Variants in MCF2L observed in about 807,000 individuals in gnomAD.
The protein encoded by MCF2L is MCF.2 cell line derived transforming sequence like.
In MCF2L, 97 loss-of-function variants were observed where a neutral mutation model predicts 153.4. The ratio of observed to expected loss-of-function variants is 0.63; its 90% confidence interval spans 0.54 to 0.75. The LOEUF is 0.75. Ranked by LOEUF, MCF2L falls within the 30% of genes least tolerant of loss-of-function variation. The probability of loss-of-function intolerance (pLI) is 0.00; values close to 1 mark genes in which losing one functional copy is unlikely to be tolerated. For synonymous variants in MCF2L, 659 were observed against 632.2 expected (o/e 1.04, Z -0.64); for missense variants, 1,347 against 1,495.2 (o/e 0.90, Z 1.64).
rs577695102 is a variant in MCF2L at position 112,913,153 on chromosome 13, GTGTC to G, written c.169+10786_169+10789del. Among the ~76,000 whole-genome samples, 977 of 148,248 alleles carry G rather than the reference GTGTC, an allele frequency of 6.6e-3. 13 individuals carry two copies. Among genetic ancestry groups the G allele is most frequent in the African/African-American group, 0.022 (903 of 40,552 alleles). On this transcript the variant is annotated intron_variant, in intron 2 of 29. Transcript: ENST00000375608. ...GATTGTGTGTCTGTGGTGTATTTCTGTGTCTGTATGTATGGGGTGTGTCTGTGTG... is the reference window on the plus strand; with the variant it reads ...GATTGTGTGTCTGTGGTGTATTTCTGTGTATGTATGGGGTGTGTCTGTGTG...
intron 3 of MCF2L, among the ~76,000 whole-genome samples, chr13:113,025,868 G>T (rs1192758934): frequency 4.2e-5 from 6 of 143,364 alleles, no homozygotes; most frequent in African/African-American, 1.3e-4. Flanking sequence ...CCCCGTGACT[G>T]TGGGTCGGGG....
At chr13:113,011,717 G>A (rs1460019427) in intron 1 of MCF2L, among the ~76,000 whole-genome samples, 7 of 143,018 alleles carry the variant, frequency 4.9e-5, no homozygotes, top group Non-Finnish European at 9.3e-5. Context: ...TGATGCGGAC[G>A]GTGGACAGGC....
intron 1 of MCF2L, among the ~76,000 whole-genome samples, chr13:113,007,916 C>CTT (rs55800416): frequency 1.8e-5 from 2 of 112,954 alleles, no homozygotes; most frequent in African/African-American, 6.5e-5. Context: ...TTTTCTTTTT[C>CTT]TTTTTTTTTT....
chr13:113,086,098 C>G, intron 20 of MCF2L, 26 bp from the exon 21 acceptor site: 1 of 1,591,086 alleles, frequency 6.3e-7, no homozygotes, highest in Non-Finnish European at 8.6e-7. Context: ...TGTCCCGACG[C>G]GGTTGCCTCA....
Position 113,053,078 on chromosome 13 carries a change from G to C in MCF2L, c.370-7515G>C, listed in dbSNP as rs1225835841. ...GCTGGTGAGAGCCGGCTCTGCCATC[G>C]TGTCAGTTCATCCCGGATTGCTGAC... On this transcript the variant is annotated intron_variant, in intron 4 of 29. Transcript: ENST00000535094. This position sits in a 1 kb window ranked among gnomAD's most constrained non-coding sequence, Gnocchi z 4.4. 2.0e-5 allele frequency among the ~76,000 whole-genome samples: 3 copies of C among 152,072 alleles called. No individual in the cohort carries two copies. The highest frequency in any genetic ancestry group is 4.4e-5 in the Non-Finnish European group (3 of 68,010).
rs148422314 is a variant in MCF2L, at chr13:112,970,995, C to T, written c.79+1537C>T. The stretch of plus-strand genomic sequence containing the variant: ...ACCAGATATCCTCGGTTATGAGCAC[C>T]CTGTAGCGTTTAGTTAGGGGAGGTG... On this transcript the variant is annotated intron_variant, in intron 1 of 29. Transcript: ENST00000535094. 3.2e-4 allele frequency among the ~76,000 whole-genome samples: 48 copies of T among 152,226 alleles called. No homozygotes were observed. In the East Asian group the frequency reaches 9.3e-3, roughly 29 times the overall value.
intron 26 of MCF2L, among the ~76,000 whole-genome samples, chr13:113,092,463 G>A (rs548697750): frequency 8.6e-5 from 13 of 151,742 alleles, no homozygotes; most frequent in Admixed American, 2.6e-4. Context: ...CATTTCCACC[G>A]TGGCCAGTGT....
chr13:113,066,307 C>T, intron 8 of MCF2L, 137 bp downstream of exon 8: 1 of 1,068,714 alleles, frequency 9.4e-7, no homozygotes, highest in Non-Finnish European at 1.3e-6. Context: ...CTGGCCAGGG[C>T]CAGCACAGCA....
intron 2 of MCF2L, among the ~76,000 whole-genome samples, chr13:112,938,915 C>T (rs952742129): frequency 4.6e-5 from 7 of 152,138 alleles, no homozygotes; most frequent in African/African-American, 1.7e-4. Flanking sequence ...CCTTGCCACG[C>T]GGGGGCCAGG....
chr13:112,985,890 G>A (rs765815777), intron 1 of MCF2L, among the ~76,000 whole-genome samples: 5 of 152,122 alleles, frequency 3.3e-5, no homozygotes, highest in Non-Finnish European at 7.4e-5. Context: ...CTTGACCATG[G>A]GACACCCGGT....
intron 2 of MCF2L, among the ~76,000 whole-genome samples, chr13:112,916,674 G>A (rs905460734): frequency 5.9e-5 from 9 of 152,128 alleles, no homozygotes; most frequent in African/African-American, 1.4e-4. Context: ...GCGTTCCACC[G>A]GGCAGACGGT....
chr13:113,084,878 G>C lies in MCF2L; in HGVS notation c.2062-14G>C. ...TCCCTCACTGCGTGATGCGGTGCCT[G>C]TCCCTCGGTGCAGATGGAAGATTTC... On this transcript the variant is annotated splice_polypyrimidine_tract_variant and intron_variant, in intron 18 of 29. Transcript: ENST00000535094. The C allele has an allele frequency of 6.2e-7, 1 of 1,603,314 alleles. No individual in the cohort carries two copies. The highest frequency in any genetic ancestry group is 8.5e-7 in the Non-Finnish European group (1 of 1,170,548).
At position 112,909,505 on chromosome 13, in the gene MCF2L, G is replaced by A. The variant is rs368492217; in HGVS notation, c.169+7134G>A. ...TTGGGAAGTCCTACACTAGCGCAGA[G>A]GGTGCGCAGCCAGCGGGTCTATCAA... On this transcript the variant is annotated intron_variant, in intron 2 of 29. Transcript: ENST00000375608. 104 of 529,634 alleles carry A rather than the reference G, an allele frequency of 2.0e-4. No individual in the cohort carries two copies. The East Asian group carries it at 2.5e-3, about 13-fold the overall frequency. The allele number at this position is 529,634 out of a possible 1,614,324, so 32.8% of individuals were successfully genotyped here.
chr13:113,044,369 A>C (rs2086674741), intron 3 of MCF2L: 1 of 360,474 alleles, frequency 2.8e-6, no homozygotes, highest in African/African-American at 2.1e-5. Context: ...AGGATCTGAG[A>C]CACCCGATAT....
At chr13:113,011,660 A>C in intron 1 of MCF2L, among the ~76,000 whole-genome samples, 1 of 85,928 alleles carries the variant, frequency 1.2e-5, no homozygotes, top group Non-Finnish European at 2.6e-5. Flanking sequence ...TGGACGGTGG[A>C]CACTGTGATG....
rs2031980263 is a variant in MCF2L, at chr13:113,064,076, G to T, written c.490-228G>T. 6.6e-6 allele frequency among the ~76,000 whole-genome samples: 1 copy of T among 152,150 alleles called. No homozygotes were observed. Among genetic ancestry groups the T allele is most frequent in the African/African-American group, 2.4e-5 (1 of 41,434 alleles). On this transcript the variant is annotated intron_variant, in intron 5 of 29. Coordinates refer to ENST00000535094, the MANE Select transcript of MCF2L (RefSeq NM_001112732.3). This position sits in a 1 kb window ranked among gnomAD's most constrained non-coding sequence, Gnocchi z 6.0. ...GCACGGAGTTATCTCCATCATAAGG[G>T]CCATAACACACACACGCCACCACGA...
chr13:113,002,906 C>T (rs889715581), intron 1 of MCF2L, among the ~76,000 whole-genome samples: 4 of 151,894 alleles, frequency 2.6e-5, no homozygotes, highest in African/African-American at 7.3e-5. Flanking sequence ...CAGCAGTTCA[C>T]GCCTGTAATC....
At chr13:113,044,786 C>T (rs1448333172) in intron 3 of MCF2L, 24 of 1,612,806 alleles carry the variant, frequency 1.5e-5, no homozygotes, top group Non-Finnish European at 2.0e-5. Context: ...TGGGAACCTT[C>T]AGAAGTCTTG....
chr13:112,972,494 T>C (rs962173500), intron 1 of MCF2L, among the ~76,000 whole-genome samples: 17 of 136,064 alleles, frequency 1.2e-4, no homozygotes, highest in African/African-American at 4.5e-4. Flanking sequence ...GGATGGATGA[T>C]GATGGATGGA....
Sources: allele counts gnomAD v4.1 joint callset (sites outside exome capture counted in the v4.1 genomes callset), GRCh38; gene constraint gnomAD v4.1.1; non-coding constraint Gnocchi (gnomAD v3.1); transcripts MANE v1.5; gene names NCBI Gene and HGNC (gene_info 2026-07-23, HGNC 2026-07-21).